Variants in KDM2A observed in about 807,000 individuals in gnomAD.
The protein encoded by KDM2A is lysine-specific demethylase 2A.
A neutral mutation model predicts 137.3 loss-of-function variants in KDM2A; 3 were observed. The observed-to-expected ratio is 0.02, with a 90% CI of 0.01 to 0.06. KDM2A has a LOEUF of 0.06. KDM2A is among the 10% of genes least tolerant of loss of function. KDM2A has a pLI of 1.00. For synonymous variants in KDM2A, 512 were observed against 541.5 expected (o/e 0.95, Z 0.76); for missense variants, 738 against 1,510.6 (o/e 0.49, Z 8.48).
chr11:67,238,409 T>C (rs1004808847), intron 12 of KDM2A, among the ~76,000 whole-genome samples: 2 of 152,176 alleles, frequency 1.3e-5, no homozygotes, highest in African/African-American at 4.8e-5. Context: ...AAAATAAGCA[T>C]TTTCCAAGAA....
chr11:67,170,668 C>G (rs1173873789), intron 2 of KDM2A, among the ~76,000 whole-genome samples: 3 of 152,088 alleles, frequency 2.0e-5, no homozygotes, highest in Non-Finnish European at 4.4e-5. Flanking sequence ...CCGCCTCAGC[C>G]TCTGAAAGTG....
At chr11:67,182,242 G>A (rs191372992) in intron 5 of KDM2A, among the ~76,000 whole-genome samples, 21 of 152,228 alleles carry the variant, frequency 1.4e-4, no homozygotes, top group African/African-American at 4.1e-4. Flanking sequence ...TCCCCTAAAA[G>A]GAGTAGAGAA....
At chr11:67,239,450 T>C (rs1294067985) in intron 12 of KDM2A, among the ~76,000 whole-genome samples, 1 of 152,238 alleles carries the variant, frequency 6.6e-6, no homozygotes, top group Non-Finnish European at 1.5e-5. Context: ...TTGGCTGACA[T>C]GGGCCATTTC....
chr11:67,216,334 A>G (rs558345203), intron 8 of KDM2A, among the ~76,000 whole-genome samples: 1 of 152,322 alleles, frequency 6.6e-6, no homozygotes, highest in East Asian at 1.9e-4. Flanking sequence ...CAGCAAATTA[A>G]GATCTAAACC....
chr11:67,205,297 A>T (rs1857768011), intron 5 of KDM2A, among the ~76,000 whole-genome samples: 1 of 152,044 alleles, frequency 6.6e-6, no homozygotes, highest in Non-Finnish European at 1.5e-5. Flanking sequence ...TTACATTATT[A>T]GTTATGTTTT....
intron 2 of KDM2A, among the ~76,000 whole-genome samples, chr11:67,124,039 T>G (rs1017407679): frequency 7.2e-5 from 11 of 152,316 alleles, no homozygotes; most frequent in African/African-American, 2.2e-4. Context: ...AGTCTCGCTC[T>G]GTTGCCCAGG....
At chr11:67,203,827 T>G (rs1857722795) in intron 5 of KDM2A, among the ~76,000 whole-genome samples, 1 of 150,624 alleles carries the variant, frequency 6.6e-6, no homozygotes, top group Non-Finnish European at 1.5e-5. Context: ...TAAGACAGAG[T>G]CTTGCTGTGT....
At chr11:67,189,981 TAAAG>T (rs1250793220) in intron 5 of KDM2A, among the ~76,000 whole-genome samples, 1 of 151,852 alleles carries the variant, frequency 6.6e-6, no homozygotes, top group Admixed American at 6.6e-5. Context: ...ATAAATGAAA[TAAAG>T]AATAGAAAAA....
chr11:67,126,662 C>G (rs1010837871), intron 2 of KDM2A, among the ~76,000 whole-genome samples: 1 of 147,632 alleles, frequency 6.8e-6, no homozygotes, highest in Non-Finnish European at 1.5e-5. Flanking sequence ...GAGCTGAGAT[C>G]ACACCACTGC....
chr11:67,147,314 G>A (rs1425327953), intron 2 of KDM2A, among the ~76,000 whole-genome samples: 3 of 151,890 alleles, frequency 2.0e-5, no homozygotes, highest in Non-Finnish European at 2.9e-5. Flanking sequence ...AGGCCGAGGC[G>A]GGCCAGTCAT....
intron 2 of KDM2A, among the ~76,000 whole-genome samples, chr11:67,162,971 A>G (rs1856666298): frequency 1.3e-5 from 2 of 152,170 alleles, no homozygotes; most frequent in South Asian, 2.1e-4. Flanking sequence ...CAGCCTCCCA[A>G]AGCGTTGGGA....
intron 5 of KDM2A, among the ~76,000 whole-genome samples, chr11:67,187,291 A>G (rs1440905794): frequency 1.3e-5 from 2 of 152,198 alleles, no homozygotes; most frequent in African/African-American, 2.4e-5. Flanking sequence ...TGACAGAAGT[A>G]TGTTCCTCCT....
rs572117721 is a variant in KDM2A at position 67,251,866 on chromosome 11, C to T, written c.2769-828C>T. The stretch of plus-strand genomic sequence containing the variant: ...TAATGTATAGTGTATCTAAATTCTC[C>T]TTAATATTTCTCTGTCTAGGGCTAA... On this transcript the variant is annotated intron_variant, in intron 17 of 20. Coordinates refer to ENST00000529006, the MANE Select transcript of KDM2A (RefSeq NM_012308.3). 1.5e-4 allele frequency among the ~76,000 whole-genome samples: 23 copies of T among 152,314 alleles called. No individual in the cohort carries two copies. The South Asian group carries it at 4.3e-3, about 29-fold the overall frequency.
At chr11:67,202,256 C>G (rs183923408) in intron 5 of KDM2A, among the ~76,000 whole-genome samples, 19 of 152,196 alleles carry the variant, frequency 1.2e-4, no homozygotes, top group Admixed American at 1.2e-3. Flanking sequence ...ATGGAATCTA[C>G]TCCTGGTGGA....
chr11:67,233,966 T>C (rs1336209443), intron 12 of KDM2A, among the ~76,000 whole-genome samples: 1 of 152,176 alleles, frequency 6.6e-6, no homozygotes, highest in African/African-American at 2.4e-5. Context: ...GTGAGATGAC[T>C]ACACAGGCCG....
At chr11:67,195,185 C>T (rs1469134301) in intron 5 of KDM2A, among the ~76,000 whole-genome samples, 3 of 151,862 alleles carry the variant, frequency 2.0e-5, no homozygotes, top group Non-Finnish European at 4.4e-5. Flanking sequence ...CTCAGTTTAT[C>T]CATGACTTGA....
intron 12 of KDM2A, among the ~76,000 whole-genome samples, chr11:67,235,503 A>T (rs995911569): frequency 6.6e-6 from 1 of 151,554 alleles, no homozygotes; most frequent in African/African-American, 2.4e-5. Context: ...GGGCTTCTTC[A>T]TGTTGTTCAG....
intron 2 of KDM2A, among the ~76,000 whole-genome samples, chr11:67,168,226 G>A (rs1248614567): frequency 6.6e-6 from 1 of 152,052 alleles, no homozygotes; most frequent in African/African-American, 2.4e-5. Context: ...AACACAGTCT[G>A]TATCTATGGT....
chr11:67,139,401 C>T lies in KDM2A; in HGVS notation c.42+18043C>T, dbSNP rs546463591. On this transcript the variant is annotated intron_variant, in intron 2 of 20. Transcript: ENST00000529006. ...CTGGGATTACAGGCACCCACCACCA[C>T]GCCCAGCACATTTTTGTATTTTTGG... 5.9e-5 allele frequency among the ~76,000 whole-genome samples: 9 copies of T among 152,190 alleles called. No homozygotes were observed. In the East Asian group the frequency reaches 1.4e-3, roughly 23 times the overall value.
Sources: allele counts gnomAD v4.1 joint callset (sites outside exome capture counted in the v4.1 genomes callset), GRCh38; gene constraint gnomAD v4.1.1; transcripts MANE v1.5; gene names NCBI Gene and HGNC (gene_info 2026-07-23, HGNC 2026-07-21).